EXOC6B: variants seen among roughly 807,000 people sequenced by gnomAD.
The protein encoded by EXOC6B is exocyst complex component 6B.
A neutral mutation model predicts 113.5 loss-of-function variants in EXOC6B; 54 were observed. The observed-to-expected ratio is 0.48, with a 90% CI of 0.38 to 0.60. EXOC6B has a LOEUF of 0.60. Among genes scored for constraint, EXOC6B ranks in the 20% least tolerant of loss-of-function variants. The pLI is 0.00. For missense variants in EXOC6B, 797 were observed against 977.5 expected, an observed-to-expected ratio of 0.82 and a Z score of 2.46; for synonymous variants, 357 against 339.0, an observed-to-expected ratio of 1.05 and a Z score of -0.58.
At chr2:72,638,905 C>A (rs1471233819) in intron 6 of EXOC6B, among the ~76,000 whole-genome samples, 1 of 152,156 alleles carries the variant, frequency 6.6e-6, no homozygotes, top group Non-Finnish European at 1.5e-5. Context: ...AACATGAGCA[C>A]CCCTTGGTCA....
At chr2:72,319,346 G>A (rs1018183746) in intron 20 of EXOC6B, among the ~76,000 whole-genome samples, 2 of 152,076 alleles carry the variant, frequency 1.3e-5, no homozygotes, top group African/African-American at 4.8e-5. Flanking sequence ...TCACAAACAA[G>A]GCAATGATAC....
At chr2:72,766,253 G>T (rs1683054921) in intron 1 of EXOC6B, among the ~76,000 whole-genome samples, 1 of 152,144 alleles carries the variant, frequency 6.6e-6, no homozygotes, top group Non-Finnish European at 1.5e-5. Context: ...TCGTTGACTG[G>T]ATTAAATATT....
chr2:72,187,893 C>T (rs75742525), intron 20 of EXOC6B, among the ~76,000 whole-genome samples: 307 of 152,350 alleles, frequency 2.0e-3, no homozygotes, highest in Non-Finnish European at 2.8e-3. Flanking sequence ...TTGGCCCCAA[C>T]TTTGCTCCGA....
chr2:72,482,015 T>TG (rs1699126575), intron 16 of EXOC6B, among the ~76,000 whole-genome samples: 1 of 152,136 alleles, frequency 6.6e-6, no homozygotes, highest in Non-Finnish European at 1.5e-5. Context: ...GAAATGAAAA[T>TG]GAAGTGATTT....
chr2:72,746,195 G>C (rs904780180), intron 1 of EXOC6B, among the ~76,000 whole-genome samples: 65 of 152,062 alleles, frequency 4.3e-4, no homozygotes, highest in African/African-American at 1.6e-3. Context: ...TTATGTTGCA[G>C]TTAAACAAGA....
chr2:72,690,109 G>A (rs1305086267), intron 6 of EXOC6B, among the ~76,000 whole-genome samples: 2 of 152,140 alleles, frequency 1.3e-5, no homozygotes, highest in African/African-American at 4.8e-5. Flanking sequence ...AAAAAACACT[G>A]ACCTACTTCC....
intron 1 of EXOC6B, among the ~76,000 whole-genome samples, chr2:72,791,911 T>C (rs1341765329): frequency 6.6e-6 from 1 of 152,240 alleles, no homozygotes; most frequent in African/African-American, 2.4e-5. Context: ...TTGAATTCAC[T>C]GAAACATAGA....
At chr2:72,634,247 G>A (rs1393697670) in intron 6 of EXOC6B, among the ~76,000 whole-genome samples, 1 of 152,174 alleles carries the variant, frequency 6.6e-6, no homozygotes, top group Non-Finnish European at 1.5e-5. Flanking sequence ...TACAATCCTA[G>A]TGCTAAAAAT....
chr2:72,319,197 T>C (rs1218512314), intron 20 of EXOC6B, among the ~76,000 whole-genome samples: 1 of 151,874 alleles, frequency 6.6e-6, no homozygotes, highest in Admixed American at 6.6e-5. Context: ...TCTGTAAAAC[T>C]GATGGACCAT....
chr2:72,681,417 T>C (rs541270467), intron 6 of EXOC6B, among the ~76,000 whole-genome samples: 1 of 152,290 alleles, frequency 6.6e-6, no homozygotes, highest in South Asian at 2.1e-4. Flanking sequence ...AGGTTTTAAG[T>C]CTTAGATGGC....
chr2:72,591,210 G>A (rs2103933374), intron 6 of EXOC6B, among the ~76,000 whole-genome samples: 1 of 152,130 alleles, frequency 6.6e-6, no homozygotes, highest in Admixed American at 6.5e-5. Flanking sequence ...ATTTTTAAAT[G>A]TCTTATCTTT....
intron 6 of EXOC6B, among the ~76,000 whole-genome samples, chr2:72,579,579 A>T (rs1705072932): frequency 2.0e-5 from 3 of 152,218 alleles, no homozygotes; most frequent in African/African-American, 7.2e-5. Context: ...CCTAACCTGG[A>T]CTGTCAAACT....
At chr2:72,662,738 C>A (rs973346803) in intron 6 of EXOC6B, among the ~76,000 whole-genome samples, 1 of 151,942 alleles carries the variant, frequency 6.6e-6, no homozygotes. Flanking sequence ...TTCTGAAAAA[C>A]CGTTTAGCCT....
chr2:72,367,585 G>A (rs953473075), intron 19 of EXOC6B, among the ~76,000 whole-genome samples: 3 of 152,122 alleles, frequency 2.0e-5, no homozygotes, highest in Non-Finnish European at 4.4e-5. Flanking sequence ...AAAATCAGGT[G>A]AGCAATCACG....
chr2:72,605,870 C>A (rs546489049), intron 6 of EXOC6B, among the ~76,000 whole-genome samples: 10 of 152,120 alleles, frequency 6.6e-5, no homozygotes, highest in Admixed American at 2.0e-4. Context: ...TCATAACCAC[C>A]TTTACCTCAA....
chr2:72,330,002 TGG>T (rs1393645737), intron 20 of EXOC6B, among the ~76,000 whole-genome samples: 1 of 152,040 alleles, frequency 6.6e-6, no homozygotes, highest in Non-Finnish European at 1.5e-5. Context: ...CTAGATATCT[TGG>T]GATGGCTTGC....
chr2:72,483,526 G>A (rs777576275), intron 16 of EXOC6B, among the ~76,000 whole-genome samples: 7 of 152,174 alleles, frequency 4.6e-5, no homozygotes, highest in Non-Finnish European at 8.8e-5. Flanking sequence ...ACTTTTTAAA[G>A]ATCTGTCAAC....
chr2:72,758,542 C>G (rs1052541493), intron 1 of EXOC6B, among the ~76,000 whole-genome samples: 22 of 152,188 alleles, frequency 1.4e-4, no homozygotes, highest in African/African-American at 5.3e-4. Context: ...TGCCATGTTT[C>G]CATTAGGAAA....
At chr2:72,798,783 C>T (rs537028635) in intron 1 of EXOC6B, among the ~76,000 whole-genome samples, 3 of 152,202 alleles carry the variant, frequency 2.0e-5, no homozygotes, top group African/African-American at 7.2e-5. Flanking sequence ...ATATGTATCA[C>T]ACACATACAG....
Sources: gnomAD v4.1 joint callset for allele counts (sites outside exome capture counted in the v4.1 genomes callset) on GRCh38, gnomAD v4.1.1 for gene constraint, MANE v1.5 for transcripts, NCBI Gene and HGNC (gene_info 2026-07-23, HGNC 2026-07-21) for gene names.